FRMD5: variants seen among roughly 807,000 people sequenced by gnomAD.
The protein encoded by FRMD5 is FERM domain-containing protein 5.
FRMD5 carries 20 observed loss-of-function variants against 69.0 expected under a neutral mutation model. The ratio of observed to expected loss-of-function variants is 0.29; its 90% CI spans 0.20 to 0.42. The LOEUF (loss-of-function observed/expected upper bound fraction) is 0.42. Among genes scored for constraint, FRMD5 ranks in the 10% least tolerant of loss-of-function variants. The pLI is 1.00. For missense variants in FRMD5, 595 were observed against 708.6 expected (o/e 0.84, Z 1.82); for synonymous variants, 271 against 260.1 (o/e 1.04, Z -0.40).
chr15:44,182,202 G>C (rs1188244766), intron 1 of FRMD5, among the ~76,000 whole-genome samples: 1 of 151,168 alleles, frequency 6.6e-6, no homozygotes, highest in African/African-American at 2.4e-5. Flanking sequence ...GTAAAGACAG[G>C]GTTTCATCTT....
intron 1 of FRMD5, among the ~76,000 whole-genome samples, chr15:44,143,785 C>T (rs185222939): frequency 7.9e-5 from 12 of 151,384 alleles, no homozygotes; most frequent in Non-Finnish European, 1.2e-4. Context: ...ATTGGCCGGG[C>T]GTGGCGGCAC....
Position 44,039,533 on chromosome 15 carries a change from G to C in FRMD5, c.103-115224C>G, listed in dbSNP as rs151055905. Among the ~76,000 whole-genome samples the C allele has an allele frequency of 4.4e-3, 666 of 152,280 alleles. 7 individuals carry two copies. Among genetic ancestry groups the C allele is most frequent in the African/African-American group, 0.015 (633 of 41,558 alleles). On this transcript the variant is annotated intron_variant, in intron 1 of 13. Transcript: ENST00000417257. Reference sequence around the variant, plus strand: ...CCACTGGTAATACTCAGGCAAACAGGGTCTGGAGTGGACCTCCATCAAACT... The same window carrying C: ...CCACTGGTAATACTCAGGCAAACAGCGTCTGGAGTGGACCTCCATCAAACT...
Position 43,919,812 on chromosome 15 carries a change from G to A in FRMD5, c.208-3C>T. ...GACTTTGTAAATTCCAGCCAATGCTGAAACAGAGAACACAGAACATGAAAA... is the reference window on the plus strand; with the variant it reads ...GACTTTGTAAATTCCAGCCAATGCTAAAACAGAGAACACAGAACATGAAAA... On this transcript the variant is annotated splice_polypyrimidine_tract_variant and splice_region_variant and intron_variant, in intron 2 of 13. Coordinates refer to ENST00000417257, the MANE Select transcript of FRMD5 (RefSeq NM_032892.5). The A allele has an allele frequency of 6.2e-7, 1 of 1,613,278 alleles. No homozygotes were observed. Among genetic ancestry groups the A allele is most frequent in the African/African-American group, 1.3e-5 (1 of 75,028 alleles).
intron 1 of FRMD5, among the ~76,000 whole-genome samples, chr15:44,087,008 A>G (rs1045490032): frequency 6.6e-6 from 1 of 152,152 alleles, no homozygotes; most frequent in African/African-American, 2.4e-5. Context: ...AGAAACAGAT[A>G]AAGAGGTAGT....
chr15:43,875,102 CAGG>C (rs2088293886), intron 13 of FRMD5, among the ~76,000 whole-genome samples: 1 of 151,950 alleles, frequency 6.6e-6, no homozygotes, highest in African/African-American at 2.4e-5. Context: ...GGAGGGGAGG[CAGG>C]AGAACTGCTT....
At chr15:43,883,397 G>C (rs1431035509) in intron 13 of FRMD5, among the ~76,000 whole-genome samples, 1 of 152,076 alleles carries the variant, frequency 6.6e-6, no homozygotes, top group East Asian at 1.9e-4. Flanking sequence ...CGCACAGGGC[G>C]TGAAAATCCT....
chr15:44,034,828 G>A (rs571987706), intron 1 of FRMD5, among the ~76,000 whole-genome samples: 1 of 152,216 alleles, frequency 6.6e-6, no homozygotes, highest in African/African-American at 2.4e-5. Flanking sequence ...TTCTACATGA[G>A]GCTCATTCTA....
chr15:43,939,903 C>T (rs2089832563), intron 1 of FRMD5, among the ~76,000 whole-genome samples: 1 of 152,148 alleles, frequency 6.6e-6, no homozygotes, highest in Admixed American at 6.5e-5. Flanking sequence ...AGAAAAGCAC[C>T]AGGCGCGGTG....
intron 1 of FRMD5, among the ~76,000 whole-genome samples, chr15:44,028,200 T>G (rs777312834): frequency 2.0e-5 from 3 of 152,230 alleles, no homozygotes; most frequent in Non-Finnish European, 2.9e-5. Flanking sequence ...AAAATACTTT[T>G]TCTCCCTTTT....
chr15:43,940,019 A>T (rs943648334), intron 1 of FRMD5, among the ~76,000 whole-genome samples: 20 of 152,176 alleles, frequency 1.3e-4, no homozygotes, highest in African/African-American at 4.8e-4. Context: ...TCTACTAAAA[A>T]TACAAAAATT....
chr15:44,189,388 G>A (rs554044483), intron 1 of FRMD5, among the ~76,000 whole-genome samples: 1 of 152,226 alleles, frequency 6.6e-6, no homozygotes, highest in South Asian at 2.1e-4. Context: ...GTTTTAGCCT[G>A]ATGGAGAAAC....
intron 1 of FRMD5, among the ~76,000 whole-genome samples, chr15:44,058,913 G>A (rs969642236): frequency 1.3e-5 from 2 of 152,100 alleles, no homozygotes; most frequent in African/African-American, 4.8e-5. Flanking sequence ...CATTTTTAAA[G>A]ATTTTATCTT....
At chr15:43,881,130 G>T (rs557400902) in intron 13 of FRMD5, among the ~76,000 whole-genome samples, 177 of 152,260 alleles carry the variant, frequency 1.2e-3, no homozygotes, top group Non-Finnish European at 2.0e-3. Flanking sequence ...CATGCACAAG[G>T]CTCCTCTCCT....
At chr15:43,930,884 A>C (rs1317088068) in intron 1 of FRMD5, among the ~76,000 whole-genome samples, 2 of 152,160 alleles carry the variant, frequency 1.3e-5, no homozygotes, top group Non-Finnish European at 2.9e-5. Flanking sequence ...GGGAGGGAGG[A>C]CTAAGTGTTC....
At chr15:44,095,913 T>C (rs1342951620) in intron 1 of FRMD5, among the ~76,000 whole-genome samples, 1 of 152,064 alleles carries the variant, frequency 6.6e-6, no homozygotes, top group Non-Finnish European at 1.5e-5. Flanking sequence ...TCTTACTACA[T>C]AAGAGTAAAC....
Position 43,875,821 on chromosome 15 carries a change from T to C in FRMD5, c.1136-1359A>G, listed in dbSNP as rs1470243220. On this transcript the variant is annotated intron_variant, in intron 13 of 13. Transcript: ENST00000417257. ...TGGGCCTAGTTTTTTTTTTTTTTTT[T>C]TTTTTTCTTTCAGTCTTTCATATGA... The C allele has an allele frequency of 1.2e-4, 46 of 381,226 alleles. 2 individuals carry two copies. The highest frequency in any genetic ancestry group is 8.8e-5 in the Admixed American group (2 of 22,798). The allele number at this position is 381,226 out of a possible 1,614,324, so 23.6% of individuals were successfully genotyped here.
chr15:43,886,475 TTC>T (rs796475640), intron 10 of FRMD5, among the ~76,000 whole-genome samples: 34 of 152,298 alleles, frequency 2.2e-4, no homozygotes, highest in African/African-American at 7.7e-4. Context: ...CTGTAATACT[TTC>T]TCCTGGGTGA....
intron 1 of FRMD5, among the ~76,000 whole-genome samples, chr15:44,044,178 C>T (rs1324393694): frequency 6.6e-6 from 1 of 152,164 alleles, no homozygotes; most frequent in Non-Finnish European, 1.5e-5. Flanking sequence ...AAAAGCTCAT[C>T]ATCACTGGTC....
chr15:44,033,064 T>C (rs1008367885), intron 1 of FRMD5, among the ~76,000 whole-genome samples: 1 of 152,218 alleles, frequency 6.6e-6, no homozygotes, highest in African/African-American at 2.4e-5. Flanking sequence ...TGCAGGAACA[T>C]GGATGGAGCT....
Sources: allele counts gnomAD v4.1 joint callset (sites outside exome capture counted in the v4.1 genomes callset), GRCh38; gene constraint gnomAD v4.1.1; transcripts MANE v1.5; gene names NCBI Gene and HGNC (gene_info 2026-07-23, HGNC 2026-07-21).